ANK2: variants seen among roughly 807,000 people sequenced by gnomAD.
The protein encoded by ANK2 is ankyrin 2.
Under a neutral mutation model 360.5 loss-of-function variants are expected in ANK2, and 83 were observed. That is an observed-to-expected ratio of 0.23 (90% CI 0.19 to 0.28). The LOEUF is 0.28. ANK2 is among the 10% of genes least tolerant of loss of function. The pLI, the probability that ANK2 is intolerant of heterozygous loss-of-function variation, is 1.00. For missense variants in ANK2, 4,201 were observed against 4,795.7 expected (o/e 0.88, Z 3.66); for synonymous variants, 1,740 against 1,759.5 (o/e 0.99, Z 0.28).
chr4:112,724,521 G>A, the ANK2 span, among the ~76,000 whole-genome samples: 1 of 148,644 alleles, frequency 6.7e-6, no homozygotes. Flanking sequence ...AAGAAAGGAA[G>A]AAAATAAAGA....
chr4:112,967,772 C>G (rs1196604232), intron 2 of ANK2, among the ~76,000 whole-genome samples: 1 of 152,092 alleles, frequency 6.6e-6, no homozygotes, highest in Non-Finnish European at 1.5e-5. Context: ...ATCTTGAATG[C>G]AAAATTGTTA....
chr4:113,246,523 G>T (rs1330099905), intron 9 of ANK2, among the ~76,000 whole-genome samples: 1 of 151,956 alleles, frequency 6.6e-6, no homozygotes, highest in Non-Finnish European at 1.5e-5. Flanking sequence ...ATAAATTTAG[G>T]CTTTATTAAG....
At chr4:113,136,255 A>G (rs2096402219) in intron 1 of ANK2, among the ~76,000 whole-genome samples, 1 of 152,198 alleles carries the variant, frequency 6.6e-6, no homozygotes, top group African/African-American at 2.4e-5. Context: ...CTCTGTGTCC[A>G]CAGCAGGCTC....
rs41279311 is a variant in ANK2, at chr4:113,258,089, C to T, written c.1228C>T (p.Arg410Cys). The T allele has an allele frequency of 4.3e-6, 7 of 1,614,102 alleles. No individual in the cohort carries two copies. The highest frequency in any genetic ancestry group is 2.7e-5 in the African/African-American group (2 of 75,020). ...TPLHIACKKN[R>C]IKVMELLVKY... ...ACTGCACATTGCCTGCAAGAAAAAC[C>T]GCATCAAAGTCATGGAACTGCTGGT... The change falls in exon 12 of 46, where the codon CGC becomes TGC. Residue 410 changes from arginine (R) to cysteine (C), a missense_variant. Arg to Cys is a radical substitution (Grantham distance 180). Coordinates refer to ENST00000357077, the MANE Select transcript of ANK2 (RefSeq NM_001148.6).
rs534745871 is a variant in ANK2, at chr4:113,367,263, A to G, written c.11033-303A>G. ...TGCCATTAGGTCTCCTTGGCATGTA[A>G]CACACTCTGCATTTTCTTTCCAAAT... On this transcript the variant is annotated intron_variant, in intron 41 of 45. Coordinates refer to ENST00000357077, the MANE Select transcript of ANK2 (RefSeq NM_001148.6). Among the ~76,000 whole-genome samples, 62 of 152,234 alleles carry G rather than the reference A, an allele frequency of 4.1e-4. No homozygotes were observed. The Middle Eastern group carries it at 0.01, about 25-fold the overall frequency.
At chr4:113,147,430 C>T (rs2096876516) in intron 1 of ANK2, among the ~76,000 whole-genome samples, 1 of 152,106 alleles carries the variant, frequency 6.6e-6, no homozygotes, top group African/African-American at 2.4e-5. Context: ...TAAAAATGTA[C>T]AATGTCATTT....
chr4:113,156,368 A>ATTTT (rs1218946870), intron 1 of ANK2, among the ~76,000 whole-genome samples: 2,115 of 79,146 alleles, frequency 0.027, 68 homozygotes, highest in African/African-American at 0.1. Flanking sequence ...ATGTAGAAAA[A>ATTTT]TTCTTTTTTT....
intron 1 of ANK2, among the ~76,000 whole-genome samples, chr4:112,868,761 G>A (rs2071654259): frequency 1.3e-5 from 2 of 152,160 alleles, no homozygotes; most frequent in South Asian, 2.1e-4. Flanking sequence ...ATAATGTGAT[G>A]TTTTGATATG....
At chr4:113,376,504 C>G (rs2096938899) in intron 45 of ANK2, among the ~76,000 whole-genome samples, 1 of 152,198 alleles carries the variant, frequency 6.6e-6, no homozygotes, top group Non-Finnish European at 1.5e-5. Flanking sequence ...CGTTATTATA[C>G]ACTACAGTAG....
At chr4:113,125,442 A>T (rs987228749) in intron 1 of ANK2, among the ~76,000 whole-genome samples, 5 of 152,202 alleles carry the variant, frequency 3.3e-5, no homozygotes, top group Admixed American at 3.3e-4. Flanking sequence ...AAAACAGGCA[A>T]CATACCAGAA....
chr4:113,327,007 G>GA (rs1048041767), intron 26 of ANK2, among the ~76,000 whole-genome samples: 34 of 150,542 alleles, frequency 2.3e-4, no homozygotes, highest in South Asian at 6.3e-4. Context: ...CTCTCTCAAG[G>GA]AAAAAAAAAT....
intron 2 of ANK2, among the ~76,000 whole-genome samples, chr4:112,934,849 G>A (rs1262175458): frequency 6.6e-6 from 1 of 152,200 alleles, no homozygotes; most frequent in African/African-American, 2.4e-5. Flanking sequence ...ATACATGAGA[G>A]TGCTGGGAAT....
intron 13 of ANK2, 73 bp from the exon 14 acceptor site, chr4:113,264,824 A>G (rs996339270): frequency 2.7e-6 from 4 of 1,462,176 alleles, no homozygotes; most frequent in Non-Finnish European, 3.7e-6. Context: ...TTTCACAAAA[A>G]GGGACAACTT....
rs1564063003 is a variant in ANK2, at chr4:113,358,775, A to G, written c.10157A>G (p.Asn3386Ser). The G allele has an allele frequency of 1.2e-6, 2 of 1,614,116 alleles. No individual in the cohort carries two copies. Among genetic ancestry groups the G allele is most frequent in the Admixed American group, 1.7e-5 (1 of 60,012 alleles). ...GACATGGCAAGCATCGCACCAGATA[A>G]TAGAAGCAAATCTGAATCTGATGCT... is the stretch of plus-strand genomic sequence containing the variant. ...GQDMASIAPDNRSKSESDASS... is the reference protein window; with the variant it reads ...GQDMASIAPDSRSKSESDASS... The change falls in exon 38 of 46, where the codon AAT (asparagine) becomes AGT (serine). Residue 3386 changes from asparagine to serine, a missense_variant. By Grantham distance (46) the Asn-to-Ser change is conservative (BLOSUM62 1). Coordinates refer to ENST00000357077, the MANE Select transcript of ANK2 (RefSeq NM_001148.6).
intron 1 of ANK2, among the ~76,000 whole-genome samples, chr4:112,902,173 T>C (rs1214366685): frequency 2.6e-5 from 4 of 152,190 alleles, no homozygotes; most frequent in Non-Finnish European, 5.9e-5. Context: ...GTTCTGTCAG[T>C]GGAGCTGAGT....
chr4:112,821,288 A>C (rs1174517357), intron 1 of ANK2, among the ~76,000 whole-genome samples: 1 of 152,054 alleles, frequency 6.6e-6, no homozygotes, highest in African/African-American at 2.4e-5. Context: ...GGCTCAAATG[A>C]TCCTACTGTG....
chr4:113,326,665 C>T (rs1251830343), intron 26 of ANK2, among the ~76,000 whole-genome samples: 1 of 151,824 alleles, frequency 6.6e-6, no homozygotes. Context: ...TGTGTTTCTT[C>T]CTTTAGTTAC....
In ANK2 at chr4:113,255,921, G is replaced by T. The variant is rs147458476; in HGVS notation, c.1177G>T (p.Ala393Ser). The part of the protein sequence containing the change: ...LLLDKRANPN[A>S]RALNGFTPLH... ...TTTAGACAAGAGAGCCAATCCGAAC[G>T]CCAGAGCCCTGGTAAACTTGGCCCA... Residue 393 changes from alanine (A) to serine (S), a missense_variant, in exon 11 of 46, where the codon GCC (alanine) becomes TCC (serine). Around this residue, in one of 4 missense-constraint regions of ANK2, gnomAD observed 1,268 missense variants for 1,650.8 expected, o/e 0.77. Transcript: ENST00000357077. The T allele has an allele frequency of 2.5e-6, 4 of 1,614,126 alleles. No homozygotes were observed. The highest frequency in any genetic ancestry group is 3.4e-6 in the Non-Finnish European group (4 of 1,180,000).
At chr4:113,288,242 T>C in intron 19 of ANK2, 146 bp from the exon 20 acceptor site, 1 of 717,740 alleles carries the variant, frequency 1.4e-6, no homozygotes, top group Non-Finnish European at 2.3e-6. Flanking sequence ...CAGGGGCACA[T>C]ATATAATCTG....
Sources: allele counts gnomAD v4.1 joint callset (sites outside exome capture counted in the v4.1 genomes callset), GRCh38; gene constraint gnomAD v4.1.1; regional missense constraint gnomAD v4.1.1; transcripts MANE v1.5; gene names NCBI Gene and HGNC (gene_info 2026-07-23, HGNC 2026-07-21).